The following GBX1 variants were observed in gnomAD, a reference collection of about 807,000 sequenced individuals.
GBX1 encodes homeobox protein GBX-1.
A neutral mutation model predicts 22.9 loss-of-function variants in GBX1; 9 were observed. The ratio of observed to expected loss-of-function variants is 0.39; its 90% CI spans 0.24 to 0.69. The LOEUF (loss-of-function observed/expected upper bound fraction) is 0.69. GBX1 is among the 30% of genes least tolerant of loss of function. GBX1 has a pLI of 0.43. For missense variants in GBX1, 494 were observed against 509.2 expected (o/e 0.97, Z 0.29); for synonymous variants, 203 against 227.3 (o/e 0.89, Z 0.96).
chr7:151,148,595 C>T lies in GBX1; in HGVS notation c.1086G>A (p.Arg362=), dbSNP rs756600488. 2.4e-5 allele frequency: 39 copies of T among 1,612,696 alleles called. No homozygotes were observed. The Admixed American group carries it at 6.3e-4, about 26-fold the overall frequency. ...SQHQQMEQGA[R]P ...TAAGTTCTTGGGTGCCCATTCAGGG[C>T]CGGGCCCCCTGCTCCATTTGTTGGT... Residue 362 remains arginine, a synonymous_variant, in exon 2 of 2, where the codon CGG becomes CGA. Coordinates refer to ENST00000297537, the MANE Select transcript of GBX1 (RefSeq NM_001098834.3). This position sits in a 1 kb window ranked among gnomAD's most constrained non-coding sequence, Gnocchi z 5.1.
In GBX1 at chr7:151,164,668, C is replaced by T. The variant is rs563477222; in HGVS notation, c.538+2343G>A. Among the ~76,000 whole-genome samples the T allele has an allele frequency of 2.0e-5, 3 of 151,982 alleles. No homozygotes were observed. The East Asian group carries it at 5.8e-4, about 29-fold the overall frequency. On this transcript the variant is annotated intron_variant, in intron 1 of 1. Transcript: ENST00000297537. ...ATCTCCTCCCAGCATGAGTGATTAC[C>T]TTTATTCCAGCACTTTTTCAAAATT...
intron 1 of GBX1, among the ~76,000 whole-genome samples, chr7:151,157,188 C>T (rs571486779): frequency 2.0e-5 from 3 of 151,690 alleles, no homozygotes; most frequent in Non-Finnish European, 2.9e-5. Flanking sequence ...CCCAGCTACT[C>T]GGGAGGCTGA....
rs569013533 is a variant in GBX1, at chr7:151,161,107, G to A, written c.538+5904C>T. On this transcript the variant is annotated intron_variant, in intron 1 of 1. Coordinates refer to ENST00000297537, the MANE Select transcript of GBX1 (RefSeq NM_001098834.3). ...TTCTTTTCCTATTACTTCCCAGGCA[G>A]AATTCTTGCTTCCTATTGTAACATT... Among the ~76,000 whole-genome samples, 18 of 152,124 alleles carry A rather than the reference G, an allele frequency of 1.2e-4. No homozygotes were observed. The South Asian group carries it at 3.1e-3, about 26-fold the overall frequency.
Position 151,161,372 on chromosome 7 carries a change from T to C in GBX1, c.538+5639A>G, listed in dbSNP as rs551429176. Reference sequence around the variant, plus strand: ...AACCCCTGAAGGGTTACTTTCACTATGGCACAGGGCATCTTAGCCTCTGAT... The same window carrying C: ...AACCCCTGAAGGGTTACTTTCACTACGGCACAGGGCATCTTAGCCTCTGAT... On this transcript the variant is annotated intron_variant, in intron 1 of 1. Transcript: ENST00000297537. Among the ~76,000 whole-genome samples, 196 of 152,260 alleles carry C rather than the reference T, an allele frequency of 1.3e-3. 1 individual carries two copies. Among genetic ancestry groups the C allele is most frequent in the African/African-American group, 4.6e-3 (190 of 41,550 alleles).
chr7:151,151,227 T>G (rs953351918), intron 1 of GBX1, among the ~76,000 whole-genome samples: 2 of 152,218 alleles, frequency 1.3e-5, no homozygotes, highest in Admixed American at 1.3e-4. Flanking sequence ...GCCACTCCTG[T>G]ACATTGCTTT....
At chr7:151,165,181 TTC>T (rs1801235591) in intron 1 of GBX1, among the ~76,000 whole-genome samples, 1 of 152,228 alleles carries the variant, frequency 6.6e-6, no homozygotes, top group African/African-American at 2.4e-5. Context: ...AGTATTTCTC[TTC>T]TGTTTTTTCT....
intron 1 of GBX1, among the ~76,000 whole-genome samples, chr7:151,152,293 CCCAGCT>C (rs1304782219): frequency 6.6e-6 from 1 of 152,162 alleles, no homozygotes; most frequent in Non-Finnish European, 1.5e-5. Context: ...CCCCACCCCG[CCCAGCT>C]CCAGTGCATA....
chr7:151,162,802 GC>G (rs1801200482), intron 1 of GBX1, among the ~76,000 whole-genome samples: 1 of 121,450 alleles, frequency 8.2e-6, no homozygotes, highest in South Asian at 2.5e-4. Flanking sequence ...GTTTTCTTCT[GC>G]CTTTTTTTTT....
chr7:151,154,115 G>A (rs1158219801), intron 1 of GBX1, among the ~76,000 whole-genome samples: 1 of 152,150 alleles, frequency 6.6e-6, no homozygotes, highest in Non-Finnish European at 1.5e-5. Context: ...GCGTGCGCCT[G>A]TGATTCCAGC....
chr7:151,148,797 G>C lies in GBX1; in HGVS notation c.884C>G (p.Ala295Gly). Residue 295 changes from alanine (A) to glycine (G), a missense_variant, in exon 2 of 2, where the codon GCC becomes GGC. This residue lies in a region of GBX1 where 124 missense variants were observed against 152.0 expected (regional missense o/e 0.82). Transcript: ENST00000297537. This position sits in a 1 kb window ranked among gnomAD's most constrained non-coding sequence, Gnocchi z 5.1. ...CACCTCACTGAGCTTGAGGGCGTGG[G>C]CGATCTGAGAGCGCTCTGTCAAGCT... ...YLSLTERSQI[A>G]HALKLSEVQV... 1 of 1,614,176 alleles carries C rather than the reference G, an allele frequency of 6.2e-7. No homozygotes were observed. The highest frequency in any genetic ancestry group is 8.5e-7 in the Non-Finnish European group (1 of 1,180,018).
At chr7:151,164,110 C>G (rs1424498343) in intron 1 of GBX1, among the ~76,000 whole-genome samples, 1 of 152,180 alleles carries the variant, frequency 6.6e-6, no homozygotes, top group Non-Finnish European at 1.5e-5. Flanking sequence ...CCTATCTACA[C>G]TATGATTTTA....
At chr7:151,164,397 T>C (rs1352947816) in intron 1 of GBX1, among the ~76,000 whole-genome samples, 4 of 152,190 alleles carry the variant, frequency 2.6e-5, no homozygotes, top group Admixed American at 1.3e-4. Context: ...GTCCCCAAAT[T>C]GATATTATGT....
chr7:151,159,191 C>A (rs891908112), intron 1 of GBX1, among the ~76,000 whole-genome samples: 2 of 151,602 alleles, frequency 1.3e-5, no homozygotes, highest in Admixed American at 1.3e-4. Context: ...CTCAAGGGAT[C>A]CTCTTACCTC....
rs1259083769 is a variant in GBX1 at position 151,167,177 on chromosome 7, G to A, written c.372C>T (p.Ala124=). Residue 124 remains alanine, a synonymous_variant, in exon 1 of 2, where the codon GCC becomes GCT. Coordinates refer to ENST00000297537, the MANE Select transcript of GBX1 (RefSeq NM_001098834.3). The surrounding 1 kb of genome is among the most constrained non-coding windows in gnomAD (Gnocchi z 5.9). The part of the protein sequence containing the change: ...AFYGPQELAA[A]AAAAAATAAR... ...CGGCAGTGGCGGCGGCGGCGGCAGC[G>A]GCGGCGGCGAGCTCCTGGGGCCCGT... is the stretch of plus-strand genomic sequence containing the variant. The A allele has an allele frequency of 6.3e-7, 1 of 1,576,156 alleles. No individual in the cohort carries two copies. The highest frequency in any genetic ancestry group is 8.6e-7 in the Non-Finnish European group (1 of 1,163,106).
chr7:151,163,148 C>T (rs1353066354), intron 1 of GBX1, among the ~76,000 whole-genome samples: 1 of 151,990 alleles, frequency 6.6e-6, no homozygotes, highest in Non-Finnish European at 1.5e-5. Flanking sequence ...ATCATTTGCC[C>T]AGCACATAGC....
At chr7:151,150,252 GT>G (rs1296317720) in intron 1 of GBX1, among the ~76,000 whole-genome samples, 1 of 152,180 alleles carries the variant, frequency 6.6e-6, no homozygotes, top group Non-Finnish European at 1.5e-5. Context: ...CATTACACAT[GT>G]TTTCAGTGAG....
intron 1 of GBX1, among the ~76,000 whole-genome samples, chr7:151,162,967 C>T (rs1374900142): frequency 1.3e-5 from 2 of 151,966 alleles, no homozygotes; most frequent in South Asian, 2.1e-4. Flanking sequence ...GCACTAAGCC[C>T]GGCTAATTTT....
chr7:151,157,136 A>C (rs1247821902), intron 1 of GBX1, among the ~76,000 whole-genome samples: 1 of 152,056 alleles, frequency 6.6e-6, no homozygotes, highest in East Asian at 1.9e-4. Context: ...TCTCTACTAA[A>C]AATACAAAAA....
In GBX1 at chr7:151,148,581, G is replaced by C. The variant is rs1203267212; in HGVS notation, c.*8C>G. ...ATCCCTCGCCTTCCTAAGTTCTTGG[G>C]TGCCCATTCAGGGCCGGGCCCCCTG... On this transcript the variant is annotated 3_prime_UTR_variant, in exon 2 of 2. Transcript: ENST00000297537. This position sits in a 1 kb window ranked among gnomAD's most constrained non-coding sequence, Gnocchi z 5.1. 6.2e-7 allele frequency: 1 copy of C among 1,610,750 alleles called. No homozygotes were observed. The highest frequency in any genetic ancestry group is 8.5e-7 in the Non-Finnish European group (1 of 1,177,876).
Sources: allele counts gnomAD v4.1 joint callset (sites outside exome capture counted in the v4.1 genomes callset), GRCh38; gene constraint gnomAD v4.1.1; regional missense constraint gnomAD v4.1.1; non-coding constraint Gnocchi (gnomAD v3.1); transcripts MANE v1.5; gene names NCBI Gene and HGNC (gene_info 2026-07-23, HGNC 2026-07-21).